SETD2: variants seen among roughly 807,000 people sequenced by gnomAD.
The protein encoded by SETD2 is SET domain containing 2, histone lysine methyltransferase, also known as histone-lysine N-methyltransferase SETD2.
In SETD2, 31 loss-of-function variants were observed where a neutral mutation model predicts 242.1. The ratio of observed to expected loss-of-function variants is 0.13; its 90% CI spans 0.10 to 0.17. The LOEUF (loss-of-function observed/expected upper bound fraction) is 0.17. Among genes scored for constraint, SETD2 ranks in the 10% least tolerant of loss-of-function variants. The probability of loss-of-function intolerance (pLI) is 1.00; values close to 1 mark genes in which losing one functional copy is unlikely to be tolerated. For missense variants in SETD2, 2,481 were observed against 3,046.3 expected (o/e 0.81, Z 4.37); for synonymous variants, 1,006 against 1,066.5 (o/e 0.94, Z 1.11).
intron 5 of SETD2, among the ~76,000 whole-genome samples, chr3:47,106,642 T>G (rs913302281): frequency 6.7e-6 from 1 of 149,446 alleles, no homozygotes; most frequent in Admixed American, 6.7e-5. Context: ...TGAAACCCCA[T>G]CTCTACTAAA....
At chr3:47,098,178 T>C in intron 8 of SETD2, 97 bp from the exon 9 acceptor site, 1 of 1,273,226 alleles carries the variant, frequency 7.9e-7, no homozygotes, top group Non-Finnish European at 1.1e-6. Flanking sequence ...CTAAACAAAA[T>C]CAAACAAACA....
At chr3:47,029,424 G>A (rs1488154667) in intron 18 of SETD2, among the ~76,000 whole-genome samples, 1 of 149,550 alleles carries the variant, frequency 6.7e-6, no homozygotes, top group African/African-American at 2.5e-5. Flanking sequence ...TCAAACTGTA[G>A]CTTCTATAAA....
At position 47,067,227 on chromosome 3, in the gene SETD2, G is replaced by GTACT; in HGVS notation, c.6061-113_6061-110dup. 3 of 806,858 alleles carry GTACT rather than the reference G, an allele frequency of 3.7e-6. 1 individual carries two copies. In the South Asian group the frequency reaches 4.6e-5, roughly 12 times the overall value. The allele number at this position is 806,858 out of a possible 1,614,324, so 50.0% of individuals were successfully genotyped here. A position where few individuals can be genotyped will look rare whatever the true frequency, so the allele number is the denominator to read the frequency against. The stretch of plus-strand genomic sequence containing the variant: ...TAAAGAAATGGAAAGTAACAAGCTG[G>GTACT]TACTTATTCTCTAAAATTTGACTTA... On this transcript the variant is annotated intron_variant, in intron 12 of 20. Transcript: ENST00000409792.
At chr3:47,152,361 C>T (rs1353140346) in intron 1 of SETD2, among the ~76,000 whole-genome samples, 1 of 152,122 alleles carries the variant, frequency 6.6e-6, no homozygotes, top group Admixed American at 6.6e-5. Context: ...ATGGAAGAGT[C>T]GTATTTTTAA....
At chr3:47,151,068 C>T (rs190997660) in intron 1 of SETD2, among the ~76,000 whole-genome samples, 2 of 152,198 alleles carry the variant, frequency 1.3e-5, no homozygotes, top group Non-Finnish European at 2.9e-5. Context: ...TAAGCATGTA[C>T]TACCATGTAC....
intron 1 of SETD2, among the ~76,000 whole-genome samples, chr3:47,146,505 C>G (rs1269596211): frequency 1.3e-5 from 2 of 151,544 alleles, no homozygotes; most frequent in Admixed American, 1.3e-4. Flanking sequence ...GTAGTCGCCT[C>G]TAATACCAGC....
At chr3:47,022,486 G>C (rs1324864580) in intron 18 of SETD2, among the ~76,000 whole-genome samples, 1 of 152,200 alleles carries the variant, frequency 6.6e-6, no homozygotes, top group Admixed American at 6.5e-5. Flanking sequence ...CTGGGCAACA[G>C]AGTGAAATGC....
intron 15 of SETD2, among the ~76,000 whole-genome samples, chr3:47,053,033 G>A (rs2039916820): frequency 6.6e-6 from 1 of 151,790 alleles, no homozygotes; most frequent in South Asian, 2.1e-4. Context: ...GGTATTACAG[G>A]CACCCACCAT....
chr3:47,082,903 T>C (rs189562391), intron 12 of SETD2, among the ~76,000 whole-genome samples: 2 of 152,266 alleles, frequency 1.3e-5, no homozygotes, highest in Non-Finnish European at 2.9e-5. Context: ...GGATTGCTGG[T>C]TTATTTGGTT....
chr3:47,050,130 T>C (rs2039759733), intron 15 of SETD2, among the ~76,000 whole-genome samples: 1 of 151,430 alleles, frequency 6.6e-6, no homozygotes. Flanking sequence ...TCAAAATAGC[T>C]AGAAGAGAAT....
intron 14 of SETD2, among the ~76,000 whole-genome samples, chr3:47,061,250 G>A (rs2107586602): frequency 6.6e-6 from 1 of 152,192 alleles, no homozygotes; most frequent in East Asian, 1.9e-4. Flanking sequence ...ACAGGAAACA[G>A]AAATGGCCAA....
Position 47,122,826 on chromosome 3 carries a change from T to C in SETD2, c.1810A>G (p.Asn604Asp). Residue 604 changes from asparagine (N) to aspartate (D), a missense_variant, in exon 3 of 21, where the codon AAT becomes GAT. Asn to Asp is a conservative substitution (Grantham distance 23, BLOSUM62 1). Transcript: ENST00000409792. ...CSKGSELRMI[N>D]KNPEREKAGS... ...GCCTTTTCTCTTTCAGGATTTTTAT[T>C]AATCATTCTTAATTCACTACCTTTT... 6.2e-7 allele frequency: 1 copy of C among 1,613,492 alleles called. No individual in the cohort carries two copies. The highest frequency in any genetic ancestry group is 8.5e-7 in the Non-Finnish European group (1 of 1,179,770).
Position 47,023,205 on chromosome 3 carries a change from C to T in SETD2, c.7351-3365G>A, listed in dbSNP as rs573019395. Among the ~76,000 whole-genome samples, 7 of 152,100 alleles carry T rather than the reference C, an allele frequency of 4.6e-5. No individual in the cohort carries two copies. In the South Asian group the frequency reaches 1.0e-3, roughly 23 times the overall value. ...CATGAGGTCAGGAGTTCGAGACCAG[C>T]CTGGCCAAGATGGTGAAACCCCGTC... On this transcript the variant is annotated intron_variant, in intron 18 of 20. Transcript: ENST00000409792.
Position 47,138,201 on chromosome 3 carries a change from T to C in SETD2, c.72-11538A>G, listed in dbSNP as rs1172864395. The C allele has an allele frequency of 3.6e-5, 6 of 168,452 alleles. No homozygotes were observed. In the South Asian group the frequency reaches 5.9e-4, roughly 17 times the overall value. The allele number at this position is 168,452 out of a possible 1,614,324, so 10.4% of individuals were successfully genotyped here. ...GTCAGCCAGGATGGTCTCGATCTCC[T>C]GACCTCGTGATCCGCCCGCCTCAGC... On this transcript the variant is annotated intron_variant, in intron 1 of 20. Transcript: ENST00000409792.
intron 15 of SETD2, among the ~76,000 whole-genome samples, chr3:47,050,412 T>C (rs1250210375): frequency 1.3e-5 from 2 of 152,180 alleles, no homozygotes; most frequent in African/African-American, 2.4e-5. Flanking sequence ...CTGTCATAAA[T>C]GCCATCTGTT....
At position 47,017,303 on chromosome 3, in the gene SETD2, A is replaced by G; in HGVS notation, c.7534-49T>C. The G allele has an allele frequency of 6.2e-7, 1 of 1,602,388 alleles. No individual in the cohort carries two copies. The highest frequency in any genetic ancestry group is 8.5e-7 in the Non-Finnish European group (1 of 1,171,510). On this transcript the variant is annotated intron_variant, in intron 20 of 20. Transcript: ENST00000409792. The surrounding 1 kb of genome is among the most constrained non-coding windows in gnomAD (Gnocchi z 4.8). ...ACCACAGCCACCAATCAGAGCAGAA[A>G]TTATATGAGGGGGAGGACAGGGGTG...
chr3:47,019,008 G>A (rs1206623508), intron 19 of SETD2, among the ~76,000 whole-genome samples: 2 of 152,174 alleles, frequency 1.3e-5, no homozygotes, highest in South Asian at 2.1e-4. Flanking sequence ...CACAGCTGTC[G>A]CTACTTATTT....
At chr3:47,050,723 CTTTTTTTTTTTTT>C (rs775259096) in intron 15 of SETD2, among the ~76,000 whole-genome samples, 6 of 66,878 alleles carry the variant, frequency 9.0e-5, no homozygotes, top group South Asian at 6.7e-4. Context: ...TTTCCTCTCT[CTTTTTTTTTTTTT>C]TTTTTTTTTT....
chr3:47,066,059 G>T (rs2040544073), intron 13 of SETD2, among the ~76,000 whole-genome samples: 1 of 152,166 alleles, frequency 6.6e-6, no homozygotes, highest in South Asian at 2.1e-4. Flanking sequence ...ACCCAAGACA[G>T]CAAGACTAAT....
Sources: gnomAD v4.1 joint callset for allele counts (sites outside exome capture counted in the v4.1 genomes callset) on GRCh38, gnomAD v4.1.1 for gene constraint, Gnocchi (gnomAD v3.1) non-coding constraint, MANE v1.5 for transcripts, NCBI Gene and HGNC (gene_info 2026-07-23, HGNC 2026-07-21) for gene names.